Variants in ADGRB1 observed in about 807,000 individuals in gnomAD.
The protein encoded by ADGRB1 is brain-specific angiogenesis inhibitor 1.
In ADGRB1, 36 loss-of-function variants were observed where a neutral mutation model predicts 175.7. That is an observed-to-expected ratio of 0.20 (90% CI 0.16 to 0.27). The LOEUF is 0.27. ADGRB1 is among the 10% of genes least tolerant of loss of function. The pLI is 1.00. For synonymous variants in ADGRB1, 1,054 were observed against 979.4 expected (o/e 1.08, Z -1.42); for missense variants, 1,731 against 2,255.3 (o/e 0.77, Z 4.71).
At chr8:142,478,707 T>C (rs7386405) in intron 7 of ADGRB1, among the ~76,000 whole-genome samples, 113,350 of 132,254 alleles carry the variant, frequency 0.86, 48,303 homozygotes, top group African/African-American at 0.91. Context: ...CTTGGGGTGT[T>C]TCTGGGGGAA....
At chr8:142,453,024 T>TCCCGCCCG (rs934433944) in intron 1 of ADGRB1, among the ~76,000 whole-genome samples, 20 of 119,028 alleles carry the variant, frequency 1.7e-4, no homozygotes, top group Non-Finnish European at 2.7e-4. Flanking sequence ...GCCACCTCCC[T>TCCCGCCCG]CCCGCCCGCC....
intron 24 of ADGRB1, among the ~76,000 whole-genome samples, chr8:142,532,299 C>T (rs971141290): frequency 6.6e-6 from 1 of 152,172 alleles, no homozygotes; most frequent in East Asian, 1.9e-4. Context: ...TCCACAGCCC[C>T]GGGAAGCAGG....
chr8:142,522,243 G>C, intron 21 of ADGRB1, 128 bp downstream of exon 21: 1 of 1,335,608 alleles, frequency 7.5e-7, no homozygotes, highest in Non-Finnish European at 1.0e-6. Flanking sequence ...GCTTGGGTGG[G>C]CTTCCCCCTC....
At chr8:142,501,351 C>A (rs55940954) in intron 17 of ADGRB1, among the ~76,000 whole-genome samples, 1 of 87,594 alleles carries the variant, frequency 1.1e-5, no homozygotes, top group East Asian at 3.6e-4. Flanking sequence ...TGGTCGTGGT[C>A]ATAGTGATGG....
intron 7 of ADGRB1, 64 bp from the exon 8 acceptor site, chr8:142,479,259 C>G: frequency 7.1e-7 from 1 of 1,409,898 alleles, no homozygotes; most frequent in Non-Finnish European, 9.2e-7. Flanking sequence ...GTCCTCCTGT[C>G]ACTGTGGCTC....
chr8:142,454,020 C>T (rs1839513588), intron 1 of ADGRB1, among the ~76,000 whole-genome samples: 1 of 152,140 alleles, frequency 6.6e-6, no homozygotes, highest in Non-Finnish European at 1.5e-5. Flanking sequence ...AGACCTGAGC[C>T]CTGAAGGTCT....
intron 2 of ADGRB1, among the ~76,000 whole-genome samples, chr8:142,473,007 C>T (rs7815622): frequency 0.11 from 16,493 of 151,840 alleles, 1,610 homozygotes; most frequent in African/African-American, 0.26. Context: ...TCCTGATGTG[C>T]CCCCGCCCTT....
intron 11 of ADGRB1, among the ~76,000 whole-genome samples, 156 bp from the exon 12 acceptor site, chr8:142,483,821 A>C (rs1444035943): frequency 6.6e-6 from 1 of 151,784 alleles, no homozygotes; most frequent in Non-Finnish European, 1.5e-5. Context: ...GGCTCTGGTC[A>C]CAGTGAGCTC....
chr8:142,532,071 C>T (rs1197432442), intron 24 of ADGRB1, among the ~76,000 whole-genome samples: 1 of 152,188 alleles, frequency 6.6e-6, no homozygotes, highest in East Asian at 1.9e-4. Flanking sequence ...CCAGCTCCTG[C>T]CTGGCATTCT....
chr8:142,503,467 G>T (rs1448131091), intron 17 of ADGRB1, among the ~76,000 whole-genome samples: 1 of 152,114 alleles, frequency 6.6e-6, no homozygotes, highest in Non-Finnish European at 1.5e-5. Flanking sequence ...CCAATGGCTG[G>T]AGCGTAAAAG....
chr8:142,477,024 G>A (rs973378323), intron 4 of ADGRB1, 90 bp from the exon 5 acceptor site: 1 of 1,414,884 alleles, frequency 7.1e-7, no homozygotes, highest in South Asian at 1.5e-5. Flanking sequence ...CTGCTCCCCA[G>A]CAGGGCAGCC....
At chr8:142,531,635 G>T (rs953356830) in intron 24 of ADGRB1, among the ~76,000 whole-genome samples, 4 of 152,188 alleles carry the variant, frequency 2.6e-5, no homozygotes, top group African/African-American at 9.6e-5. Context: ...CCTGAGACCC[G>T]GGAGGCACTG....
intron 6 of ADGRB1, among the ~76,000 whole-genome samples, chr8:142,477,939 G>T (rs1841075401): frequency 6.6e-6 from 1 of 151,454 alleles, no homozygotes; most frequent in African/African-American, 2.4e-5. Context: ...TGGCCCCCAG[G>T]GTGTTCTCAC....
chr8:142,452,699 A>G (rs1839425185), intron 1 of ADGRB1, among the ~76,000 whole-genome samples: 2 of 151,974 alleles, frequency 1.3e-5, no homozygotes, highest in Non-Finnish European at 2.9e-5. Flanking sequence ...GGGGCCTGGC[A>G]TGAAGGGCCC....
At position 142,510,935 on chromosome 8, in the gene ADGRB1, CT is replaced by C; in HGVS notation, c.2680del (p.Ser894ProfsTer39). On this transcript the variant is annotated frameshift_variant, in exon 18 of 31. Transcript: ENST00000517894. LOFTEE classifies it high-confidence loss of function. This position sits in a 1 kb window ranked among gnomAD's most constrained non-coding sequence, Gnocchi z 6.3. The part of the protein sequence containing the change: ...CILWDETDVP[S>X]SSAPPQLGPW... ...CCCGTGTCCCGCCCGCCCCCAGACC[CT>C]CCTCCTCCGCCCCCCCGCAGCTCGG... The C allele has an allele frequency of 2.4e-6, 3 of 1,255,898 alleles. No individual in the cohort carries two copies. Among genetic ancestry groups the C allele is most frequent in the Admixed American group, 3.0e-5 (1 of 33,084 alleles). 77.8% of individuals were successfully genotyped at this position (1,255,898 alleles called of 1,614,324 possible).
At chr8:142,528,001 T>G (rs988421099) in intron 24 of ADGRB1, among the ~76,000 whole-genome samples, 1 of 152,118 alleles carries the variant, frequency 6.6e-6, no homozygotes. Flanking sequence ...CTGCGTTAGG[T>G]GCACACAGCC....
intron 20 of ADGRB1, among the ~76,000 whole-genome samples, 195 bp from the exon 21 acceptor site, chr8:142,521,769 CG>C (rs1563737408): frequency 2.6e-5 from 4 of 152,204 alleles, no homozygotes; most frequent in African/African-American, 9.6e-5. Context: ...TTTGTCCCAA[CG>C]GGGCTTAGAT....
intron 2 of ADGRB1, among the ~76,000 whole-genome samples, chr8:142,468,787 C>G (rs1840422985): frequency 6.6e-6 from 1 of 152,256 alleles, no homozygotes; most frequent in South Asian, 2.1e-4. Flanking sequence ...GGCCCACTCT[C>G]TGACCCTTTA....
At chr8:142,512,631 C>T (rs1432227046) in intron 18 of ADGRB1, among the ~76,000 whole-genome samples, 2 of 152,198 alleles carry the variant, frequency 1.3e-5, no homozygotes, top group African/African-American at 4.8e-5. Flanking sequence ...ACTGGCTCTG[C>T]CTTAAGTCCC....
Sources: gnomAD v4.1 joint callset for allele counts (sites outside exome capture counted in the v4.1 genomes callset) on GRCh38, gnomAD v4.1.1 for gene constraint, Gnocchi (gnomAD v3.1) non-coding constraint, MANE v1.5 for transcripts, NCBI Gene and HGNC (gene_info 2026-07-23, HGNC 2026-07-21) for gene names.